C12orf76: variants seen among roughly 807,000 people sequenced by gnomAD.
C12orf76 encodes uncharacterized protein C12orf76.
Under a neutral mutation model 6.8 loss-of-function variants are expected in C12orf76, and 6 were observed. The ratio of observed to expected loss-of-function variants is 0.88; its 90% confidence interval spans 0.48 to 1.73. C12orf76 has a LOEUF of 1.73. C12orf76 is among the 40% of genes most tolerant of loss of function. The pLI, the probability that C12orf76 is intolerant of heterozygous loss-of-function variation, is 0.01. For synonymous variants in C12orf76, 56 were observed against 43.7 expected (o/e 1.28, Z -1.11); for missense variants, 99 against 98.2 (o/e 1.01, Z -0.03).
Position 110,067,584 on chromosome 12 carries a change from C to T in C12orf76, n.112G>A, listed in dbSNP as rs768903988. On this transcript the variant is annotated non_coding_transcript_exon_variant, in exon 1 of 5. Transcript: ENST00000309050. ...TGGTTCAGTAGGGCTCACACTGCTC[C>T]GTCATCTTCTCGAACTCCAGACCTC... 6 of 985,390 alleles carry T rather than the reference C, an allele frequency of 6.1e-6. 1 individual carries two copies. The highest frequency in any genetic ancestry group is 6.2e-5 in the Admixed American group (1 of 16,260). 61.0% of individuals were successfully genotyped at this position (985,390 alleles called of 1,614,324 possible).
intron 2 of C12orf76, among the ~76,000 whole-genome samples, chr12:110,059,484 A>T (rs1417674450): frequency 6.6e-6 from 1 of 152,180 alleles, no homozygotes; most frequent in Middle Eastern, 3.2e-3. Context: ...TGCTCCTAAC[A>T]ACTGTGCTCA....
intron 1 of C12orf76, among the ~76,000 whole-genome samples, chr12:110,066,416 G>A (rs1364515715): frequency 1.2e-4 from 17 of 146,672 alleles, no homozygotes; most frequent in South Asian, 2.2e-4. Context: ...GGCTGGGCGC[G>A]GTGGCTCACG....
chr12:110,052,049 C>G (rs1268680688), upstream of C12orf76, among the ~76,000 whole-genome samples: 1 of 151,428 alleles, frequency 6.6e-6, no homozygotes, highest in African/African-American at 2.4e-5. Context: ...CCCGCCACCA[C>G]GCCTGGCTAA....
exon 4 of C12orf76, chr12:110,057,279 C>T: frequency 6.2e-7 from 1 of 1,613,258 alleles, no homozygotes; most frequent in East Asian, 2.2e-5. Flanking sequence ...AGCAAAGTTC[C>T]TCTCCCCCTT....
intron 1 of C12orf76, chr12:110,066,047 G>A: frequency 1.3e-6 from 2 of 1,552,500 alleles, no homozygotes; most frequent in Admixed American, 3.8e-5. Flanking sequence ...GGTGTCAAGG[G>A]TGGGATGAGA....
upstream of C12orf76, among the ~76,000 whole-genome samples, chr12:110,070,251 G>A (rs1348192686): frequency 1.4e-4 from 20 of 141,260 alleles, no homozygotes; most frequent in Non-Finnish European, 2.5e-4. Flanking sequence ...AAAAAAAAAA[G>A]AAAAAGAAAA....
At chr12:110,071,367 G>A (rs762712498), upstream of C12orf76, among the ~76,000 whole-genome samples, 7 of 152,214 alleles carry the variant, frequency 4.6e-5, no homozygotes, top group Non-Finnish European at 7.4e-5. Flanking sequence ...GGTCAAAGGA[G>A]AGGATGTATA....
intron 1 of C12orf76, 88 bp downstream of exon 1, chr12:110,048,275 T>C: frequency 7.2e-7 from 1 of 1,394,938 alleles, no homozygotes; most frequent in East Asian, 2.9e-5. Context: ...CTCTATCCCC[T>C]GTCCGCTCCG....
chr12:110,057,615 G>T (rs1012110126), intron 3 of C12orf76, among the ~76,000 whole-genome samples: 4 of 152,124 alleles, frequency 2.6e-5, no homozygotes, highest in Non-Finnish European at 5.9e-5. Context: ...CACCCCCAAG[G>T]CAAGTTAAAT....
chr12:110,065,868 G>T, exon 2 of C12orf76: 2 of 1,614,090 alleles, frequency 1.2e-6, no homozygotes, highest in Non-Finnish European at 1.7e-6. Context: ...ACCAGGTTCT[G>T]GAACATGCTG....
At chr12:110,062,773 C>T (rs191043482) in intron 2 of C12orf76, among the ~76,000 whole-genome samples, 24 of 148,652 alleles carry the variant, frequency 1.6e-4, no homozygotes, top group African/African-American at 6.0e-4. Context: ...GTGTGCACCA[C>T]CATGCCCAGC....
intron 3 of C12orf76, chr12:110,057,425 CG>C: frequency 1.5e-6 from 1 of 661,116 alleles, no homozygotes; most frequent in Non-Finnish European, 2.7e-6. Flanking sequence ...ACAGTGGCGC[CG>C]GGCACTGTGC....
chr12:110,043,479 C>T (rs1033634390), intron 1 of C12orf76, among the ~76,000 whole-genome samples: 116 of 152,134 alleles, frequency 7.6e-4, no homozygotes, highest in African/African-American at 2.6e-3. Context: ...TTAATAAAAA[C>T]CTGGAGATTC....
upstream of C12orf76, among the ~76,000 whole-genome samples, chr12:110,053,102 G>A: frequency 6.6e-6 from 1 of 151,582 alleles, no homozygotes; most frequent in Non-Finnish European, 1.5e-5. Context: ...TGAGGCAGGA[G>A]AATCACTTGA....
upstream of C12orf76, among the ~76,000 whole-genome samples, chr12:110,068,274 G>T (rs1024765615): frequency 7.5e-6 from 1 of 133,548 alleles, no homozygotes; most frequent in Non-Finnish European, 1.7e-5. Context: ...AGAAGAAGAA[G>T]AAGAAGAAGA....
chr12:110,073,033 C>T (rs1013813252), intron 1 of C12orf76, among the ~76,000 whole-genome samples: 2 of 151,962 alleles, frequency 1.3e-5, no homozygotes, highest in Non-Finnish European at 2.9e-5. Flanking sequence ...CATTTATAAA[C>T]CTGGTCCTAT....
At chr12:110,068,258 A>G (rs144456440), upstream of C12orf76, among the ~76,000 whole-genome samples, 724 of 81,990 alleles carry the variant, frequency 8.8e-3, 5 homozygotes, top group Middle Eastern at 0.065. Flanking sequence ...AAGAAGAAGA[A>G]GAAGAAGAAG....
At chr12:110,073,316 T>C in intron 1 of C12orf76, 1 of 454,408 alleles carries the variant, frequency 2.2e-6, no homozygotes, top group Admixed American at 2.4e-5. Flanking sequence ...ACGTCCAAAT[T>C]TGAAAACCAT....
chr12:110,072,446 G>A (rs1892970245), upstream of C12orf76, among the ~76,000 whole-genome samples: 1 of 152,006 alleles, frequency 6.6e-6, no homozygotes, highest in African/African-American at 2.4e-5. Flanking sequence ...TGGGTGGGAA[G>A]GAGGGGGAAT....
Sources: gnomAD v4.1 joint callset for allele counts (sites outside exome capture counted in the v4.1 genomes callset) on GRCh38, gnomAD v4.1.1 for gene constraint, MANE v1.5 for transcripts, NCBI Gene and HGNC (gene_info 2026-07-23, HGNC 2026-07-21) for gene names.